The following TMLHE variants were observed in gnomAD, a reference collection of about 807,000 sequenced individuals.
TMLHE encodes the protein trimethyllysine dioxygenase, mitochondrial.
Under a neutral mutation model 25.7 loss-of-function variants are expected in TMLHE, and 18 were observed. The ratio of observed to expected loss-of-function variants is 0.70; its 90% CI spans 0.48 to 1.04. TMLHE has a LOEUF of 1.04. Ranked by LOEUF, TMLHE falls within the 50% of genes least tolerant of loss-of-function variation. The pLI, the probability that TMLHE is intolerant of heterozygous loss-of-function variation, is 0.00. For synonymous variants in TMLHE, 105 were observed against 97.0 expected (o/e 1.08, Z -0.49); for missense variants, 236 against 259.0 (o/e 0.91, Z 0.61).
intron 5 of TMLHE, among the ~76,000 whole-genome samples, chrX:155,508,202 TTGAC>T (rs1432244401): frequency 9.0e-6 from 1 of 111,040 alleles, no homozygotes; most frequent in Non-Finnish European, 1.9e-5. Context: ...TGACTATTAA[TTGAC>T]TGGAAAACTA....
intron 4 of TMLHE, among the ~76,000 whole-genome samples, chrX:155,513,216 A>T (rs1402864624): frequency 8.9e-6 from 1 of 111,773 alleles, no homozygotes; most frequent in African/African-American, 3.3e-5. Flanking sequence ...ATTATAATAA[A>T]GTAGGTTGAC....
Position 155,514,012 on chromosome X carries a change from CT to C in TMLHE, c.611del (p.Lys204SerfsTer8). 8.3e-6 allele frequency: 10 copies of C among 1,209,774 alleles called. No individual in the cohort carries two copies. Among genetic ancestry groups the C allele is most frequent in the Non-Finnish European group, 1.0e-5 (9 of 893,973 alleles). On this transcript the variant is annotated frameshift_variant, in exon 4 of 8. Transcript: ENST00000334398. LOFTEE classifies it high-confidence loss of function. ...TGATTAAGCTGATCCTTTCTGCCAA[CT>C]TCTCTGTGTGCTCTTGAGTGGGAGG... is the stretch of plus-strand genomic sequence containing the variant. ...NVPPTQEHTE[K>X]LAERISLIRE...
At chrX:155,586,658 A>G (rs1299642895) in intron 1 of TMLHE, among the ~76,000 whole-genome samples, 1 of 112,074 alleles carries the variant, frequency 8.9e-6, no homozygotes, top group African/African-American at 3.2e-5. Flanking sequence ...CCAAATAAAC[A>G]AAATTAGAAA....
chrX:155,554,939 T>G (rs1557340528), intron 1 of TMLHE, among the ~76,000 whole-genome samples: 2 of 108,952 alleles, frequency 1.8e-5, no homozygotes, highest in Admixed American at 2.0e-4. Context: ...TGTGCAGGTT[T>G]GATACATAGG....
chrX:155,510,230 TC>T (rs2067098618), intron 5 of TMLHE, among the ~76,000 whole-genome samples: 1 of 93,329 alleles, frequency 1.1e-5, no homozygotes, highest in Non-Finnish European at 2.2e-5. Context: ...AGATGAGTTT[TC>T]TTTTTATTTT....
chrX:155,508,694 A>G (rs1036898649), intron 5 of TMLHE, among the ~76,000 whole-genome samples: 1 of 110,932 alleles, frequency 9.0e-6, no homozygotes, highest in Admixed American at 9.6e-5. Context: ...GGTTAATGGT[A>G]TGTCTCAGGG....
intron 3 of TMLHE, 135 bp from the exon 4 acceptor site, chrX:155,514,400 A>C: frequency 3.2e-6 from 2 of 619,726 alleles, no homozygotes; most frequent in Non-Finnish European, 4.7e-6. Context: ...AACCAAATTA[A>C]AATGAATGCC....
intron 1 of TMLHE, among the ~76,000 whole-genome samples, chrX:155,550,413 C>T (rs1460361756): frequency 9.0e-6 from 1 of 110,925 alleles, no homozygotes; most frequent in Non-Finnish European, 1.9e-5. Flanking sequence ...TGCTTGCTTG[C>T]TTTTCCATCC....
chrX:155,556,281 AATACTGTGACCAGAGAACTCAGT>A (rs2067454555), intron 1 of TMLHE, among the ~76,000 whole-genome samples: 1 of 112,658 alleles, frequency 8.9e-6, no homozygotes, highest in African/African-American at 3.2e-5. Context: ...TTCAGCCTTT[AATACTGTGACCAGAGAACTCAGT>A]CATGCCACAC....
rs190894371 is a variant in TMLHE, at chrX:155,548,502, A to C, written c.-1-3225T>G. Among the ~76,000 whole-genome samples, 133 of 108,597 alleles carry C rather than the reference A, an allele frequency of 1.2e-3. 4 individuals are homozygous for C. Among genetic ancestry groups the C allele is most frequent in the African/African-American group, 4.4e-3 (123 of 28,147 alleles). 94.3% of individuals were successfully genotyped at this position (108,597 alleles called of 115,157 possible). A position where few individuals can be genotyped will look rare whatever the true frequency, so the allele number is the denominator to read the frequency against. ...TGAAATCCCAGCACTTTGGGAGGTC[A>C]AGGCGGGCGGATCACAAGGTCAGCA... On this transcript the variant is annotated intron_variant, in intron 1 of 7. Coordinates refer to ENST00000334398, the MANE Select transcript of TMLHE (RefSeq NM_018196.4).
intron 1 of TMLHE, among the ~76,000 whole-genome samples, chrX:155,611,267 C>T (rs1306549959): frequency 1.8e-5 from 2 of 110,850 alleles, no homozygotes; most frequent in Non-Finnish European, 1.9e-5. Context: ...CATATGAGCC[C>T]AGGGGATGCT....
intron 2 of TMLHE, among the ~76,000 whole-genome samples, chrX:155,527,014 G>C (rs2067223763): frequency 1.8e-5 from 2 of 112,431 alleles, no homozygotes; most frequent in African/African-American, 6.5e-5. Flanking sequence ...CTTTGGACTT[G>C]AACTTCTGAG....
At chrX:155,531,675 G>A (rs1166907100) in intron 2 of TMLHE, among the ~76,000 whole-genome samples, 1 of 111,841 alleles carries the variant, frequency 8.9e-6, no homozygotes, top group African/African-American at 3.3e-5. Flanking sequence ...CTGGCAAAGG[G>A]TGGAAGCCTT....
intron 3 of TMLHE, among the ~76,000 whole-genome samples, chrX:155,514,896 C>T (rs782229790): frequency 9.0e-6 from 1 of 111,314 alleles, no homozygotes; most frequent in Non-Finnish European, 1.9e-5. Flanking sequence ...TGTGCACACC[C>T]CACCCAAAAA....
At chrX:155,507,721 A>C (rs1371784409) in intron 5 of TMLHE, among the ~76,000 whole-genome samples, 2 of 110,790 alleles carry the variant, frequency 1.8e-5, no homozygotes, top group Non-Finnish European at 3.8e-5. Flanking sequence ...AGAAGTTCCT[A>C]TTGGCATAGC....
intron 1 of TMLHE, among the ~76,000 whole-genome samples, chrX:155,568,639 T>C (rs1295226846): frequency 1.6e-5 from 1 of 61,438 alleles, no homozygotes; most frequent in African/African-American, 3.6e-5. Context: ...AGACAAAACT[T>C]CCAGAGGAAC....
At chrX:155,592,199 G>A (rs1486922495) in intron 1 of TMLHE, among the ~76,000 whole-genome samples, 2 of 111,676 alleles carry the variant, frequency 1.8e-5, no homozygotes, top group Non-Finnish European at 3.8e-5. Context: ...TGGGTGCAGG[G>A]GAGGGGACTG....
At chrX:155,582,378 GA>G (rs1308235611) in intron 1 of TMLHE, among the ~76,000 whole-genome samples, 1 of 111,925 alleles carries the variant, frequency 8.9e-6, no homozygotes, top group African/African-American at 3.2e-5. Context: ...CCATCAGAGT[GA>G]ACAGACAACC....
intron 1 of TMLHE, among the ~76,000 whole-genome samples, chrX:155,559,038 T>C (rs1431935739): frequency 1.8e-5 from 2 of 111,657 alleles, no homozygotes; most frequent in African/African-American, 3.2e-5. Flanking sequence ...GATTAGAAGA[T>C]TGAAGACTCC....
Sources: gnomAD v4.1 joint callset for allele counts (sites outside exome capture counted in the v4.1 genomes callset) on GRCh38, gnomAD v4.1.1 for gene constraint, MANE v1.5 for transcripts, NCBI Gene and HGNC (gene_info 2026-07-23, HGNC 2026-07-21) for gene names.